The following MTDH variants were observed in gnomAD, a reference collection of about 807,000 sequenced individuals.
MTDH encodes metadherin.
Under a neutral mutation model 72.7 loss-of-function variants are expected in MTDH, and 34 were observed. The observed-to-expected ratio is 0.47, with a 90% CI of 0.36 to 0.62. MTDH has a LOEUF of 0.62. Among genes scored for constraint, MTDH ranks in the 20% least tolerant of loss-of-function variants. The pLI is 0.00. For missense variants in MTDH, 677 were observed against 699.4 expected, an observed-to-expected ratio of 0.97 and a Z score of 0.36; for synonymous variants, 266 against 268.9, an observed-to-expected ratio of 0.99 and a Z score of 0.10.
chr8:97,682,333 C>T (rs548666917), intron 2 of MTDH, among the ~76,000 whole-genome samples: 82 of 100,468 alleles, frequency 8.2e-4, no homozygotes, highest in Non-Finnish European at 1.4e-3. Context: ...GAGTCTTGCC[C>T]TGTCGCCCAG....
intron 2 of MTDH, among the ~76,000 whole-genome samples, chr8:97,680,157 C>T (rs539693881): frequency 2.6e-5 from 4 of 152,250 alleles, no homozygotes; most frequent in East Asian, 3.9e-4. Flanking sequence ...ACTGCAACCT[C>T]GACCTCCTGG....
intron 2 of MTDH, among the ~76,000 whole-genome samples, chr8:97,663,002 G>T (rs918500667): frequency 3.9e-5 from 6 of 152,082 alleles, no homozygotes; most frequent in African/African-American, 1.4e-4. Context: ...GAAAAGTAAT[G>T]ACTTGTGTTA....
Position 97,689,105 on chromosome 8 carries a change from T to TTCTTCAG in MTDH, c.811+2_811+3insTCTTCAG. On this transcript the variant is annotated splice_region_variant and intron_variant, in intron 5 of 11. Transcript: ENST00000336273. ...GAAAAGGAGATTCTACACTTCAGGG[T>TTCTTCAG]GAGAGAAATTACATGTAACTTAAAT... The TTCTTCAG allele has an allele frequency of 6.4e-7, 1 of 1,561,432 alleles. No homozygotes were observed. Among genetic ancestry groups the TTCTTCAG allele is most frequent in the Non-Finnish European group, 8.8e-7 (1 of 1,142,252 alleles).
At chr8:97,701,381 A>C (rs1814117073) in intron 7 of MTDH, among the ~76,000 whole-genome samples, 1 of 152,188 alleles carries the variant, frequency 6.6e-6, no homozygotes, top group African/African-American at 2.4e-5. Context: ...TACAGTGTAA[A>C]TAGTTGTTAT....
At chr8:97,684,581 A>G (rs1368088160) in intron 2 of MTDH, among the ~76,000 whole-genome samples, 1 of 152,216 alleles carries the variant, frequency 6.6e-6, no homozygotes, top group Admixed American at 6.5e-5. Flanking sequence ...AAAGCCTAAC[A>G]TATTTACTAT....
chr8:97,711,588 T>C (rs918400991), intron 8 of MTDH, among the ~76,000 whole-genome samples: 1 of 152,080 alleles, frequency 6.6e-6, no homozygotes, highest in Non-Finnish European at 1.5e-5. Context: ...ACCATAATAC[T>C]GTACAGTAGC....
At chr8:97,684,212 A>C (rs1444857397) in intron 2 of MTDH, among the ~76,000 whole-genome samples, 2 of 151,490 alleles carry the variant, frequency 1.3e-5, no homozygotes, top group Non-Finnish European at 2.9e-5. Flanking sequence ...GATTTCGAAG[A>C]CTTACTTTGT....
At chr8:97,682,865 CG>C (rs577839923) in intron 2 of MTDH, among the ~76,000 whole-genome samples, 131 of 151,630 alleles carry the variant, frequency 8.6e-4, no homozygotes, top group African/African-American at 2.9e-3. Flanking sequence ...GTCCATATGA[CG>C]GGTGGGGAAC....
chr8:97,694,261 G>A (rs1478973876), intron 6 of MTDH, among the ~76,000 whole-genome samples: 5 of 150,994 alleles, frequency 3.3e-5, no homozygotes, highest in South Asian at 2.1e-4. Flanking sequence ...GCAATGGCAC[G>A]ATCTCGGCTC....
chr8:97,646,035 G>A (rs923690231), intron 1 of MTDH, among the ~76,000 whole-genome samples: 1 of 152,256 alleles, frequency 6.6e-6, no homozygotes, highest in South Asian at 2.1e-4. Context: ...TAAATAATTA[G>A]AATTTTGCAT....
chr8:97,704,316 C>G (rs931139141), intron 7 of MTDH, among the ~76,000 whole-genome samples: 2 of 152,200 alleles, frequency 1.3e-5, no homozygotes, highest in African/African-American at 2.4e-5. Context: ...GTTTTTCTAT[C>G]TCTAGTACCT....
At chr8:97,700,238 C>G (rs1418622246) in intron 7 of MTDH, among the ~76,000 whole-genome samples, 2 of 151,740 alleles carry the variant, frequency 1.3e-5, no homozygotes. Flanking sequence ...CTTTCTTAAC[C>G]CAGTTGCCAG....
At chr8:97,665,641 GT>G (rs1433112292) in intron 2 of MTDH, among the ~76,000 whole-genome samples, 1 of 152,136 alleles carries the variant, frequency 6.6e-6, no homozygotes, top group Non-Finnish European at 1.5e-5. Context: ...ATGGAGACAA[GT>G]TTTAGAAGGG....
At position 97,706,612 on chromosome 8, in the gene MTDH, CTG is replaced by C. The variant is rs1814363869; in HGVS notation, c.1148-12_1148-11del. On this transcript the variant is annotated splice_polypyrimidine_tract_variant and intron_variant, in intron 7 of 11. Transcript: ENST00000336273. ...AAAAATGATAGACGCCTAATTCACA[CTG>C]TTAAATTTTAGATGGTCTGTCTTCT... The C allele has an allele frequency of 6.5e-7, 1 of 1,542,284 alleles. No individual in the cohort carries two copies. The highest frequency in any genetic ancestry group is 8.7e-7 in the Non-Finnish European group (1 of 1,145,790).
intron 1 of MTDH, among the ~76,000 whole-genome samples, chr8:97,653,481 C>T (rs927870055): frequency 6.6e-6 from 1 of 152,144 alleles, no homozygotes; most frequent in Non-Finnish European, 1.5e-5. Flanking sequence ...ATTTTGGCTC[C>T]ATTTGTTTGG....
chr8:97,674,573 G>A (rs547081631), intron 2 of MTDH, among the ~76,000 whole-genome samples: 4 of 152,262 alleles, frequency 2.6e-5, no homozygotes, highest in African/African-American at 9.6e-5. Context: ...ATCTAAAGTA[G>A]GAACTTGCCA....
At chr8:97,695,119 T>C (rs905498486) in intron 6 of MTDH, among the ~76,000 whole-genome samples, 12 of 151,878 alleles carry the variant, frequency 7.9e-5, no homozygotes, top group African/African-American at 2.7e-4. Flanking sequence ...TTTTTTTTTT[T>C]TTTCTTTAAG....
intron 10 of MTDH, 23 bp downstream of exon 10, chr8:97,719,212 T>G: frequency 1.9e-6 from 3 of 1,608,768 alleles, no homozygotes; most frequent in Admixed American, 3.4e-5. Flanking sequence ...AATAATAAAG[T>G]TGCCGGGCGC....
rs1187265208 is a variant in MTDH, at chr8:97,729,037, A to C, written c.*4367A>C. Among the ~76,000 whole-genome samples the C allele has an allele frequency of 6.6e-6, 1 of 150,842 alleles. No individual in the cohort carries two copies. Among genetic ancestry groups the C allele is most frequent in the Non-Finnish European group, 1.5e-5 (1 of 67,872 alleles). The stretch of plus-strand genomic sequence containing the variant: ...AGCTATATTCTCCCACTTTAGCCTC[A>C]GCCTCCAGAGTACCTGGGACTACAG... On this transcript the variant is annotated 3_prime_UTR_variant, in exon 12 of 12. Transcript: ENST00000336273.
Sources: allele counts gnomAD v4.1 joint callset (sites outside exome capture counted in the v4.1 genomes callset), GRCh38; gene constraint gnomAD v4.1.1; transcripts MANE v1.5; gene names NCBI Gene and HGNC (gene_info 2026-07-23, HGNC 2026-07-21).